Variants in NUBP1 observed in about 807,000 individuals in gnomAD.
NUBP1 encodes NUBP iron-sulfur cluster assembly factor 1, cytosolic.
Under a neutral mutation model 41.8 loss-of-function variants are expected in NUBP1, and 46 were observed. That is an observed-to-expected ratio of 1.10 (90% CI 0.87 to 1.41). NUBP1 has a LOEUF of 1.41. Among genes scored for constraint, NUBP1 ranks in the 40% most tolerant of loss-of-function variants. The pLI is 0.00. For missense variants in NUBP1, 494 were observed against 414.0 expected (o/e 1.19, Z -1.68); for synonymous variants, 189 against 154.6 (o/e 1.22, Z -1.65).
At position 10,756,689 on chromosome 16, in the gene NUBP1, G is replaced by A. The variant is rs761269423; in HGVS notation, c.361-1G>A. The A allele has an allele frequency of 1.3e-6, 2 of 1,562,994 alleles. No homozygotes were observed. The highest frequency in any genetic ancestry group is 5.0e-5 in the East Asian group (2 of 40,208). On this transcript the variant is annotated splice_acceptor_variant, in intron 5 of 10. Transcript: ENST00000283027. LOFTEE classifies it high-confidence loss of function. ...TTGCCCTCACCCTGTTCCCTCTGCA[G>A]TACGTGGAAGACAACCTGGGGGTGA...
At chr16:10,760,897 C>G (rs1285133977) in intron 7 of NUBP1, 1 of 164,750 alleles carries the variant, frequency 6.1e-6, no homozygotes, top group Non-Finnish European at 1.3e-5. Flanking sequence ...CTGTAAAGAA[C>G]TGCCTGAGAC....
intron 9 of NUBP1, among the ~76,000 whole-genome samples, chr16:10,762,488 C>T (rs988413908): frequency 1.3e-4 from 20 of 152,232 alleles, no homozygotes; most frequent in African/African-American, 3.1e-4. Context: ...CGCCGCGGGG[C>T]GCTGGGCAGG....
rs756551556 is a variant in NUBP1 at position 10,744,212 on chromosome 16, G to GGGC, written c.124+150_124+152dup. 102 of 812,668 alleles carry GGGC rather than the reference G, an allele frequency of 1.3e-4. 1 individual carries two copies. The highest frequency in any genetic ancestry group is 1.6e-4 in the Non-Finnish European group (89 of 548,184). The allele number at this position is 812,668 out of a possible 1,614,324, so 50.3% of individuals were successfully genotyped here. ...TTCGGAGAGGGGTGGGGCCCAGAAG[G>GGGC]GGCGGGGCGTGGAAAGTGGGCAGGG... On this transcript the variant is annotated intron_variant, in intron 2 of 10. Coordinates refer to ENST00000283027, the MANE Select transcript of NUBP1 (RefSeq NM_002484.4).
At chr16:10,761,516 T>C in intron 8 of NUBP1, 42 bp downstream of exon 8, 5 of 1,514,862 alleles carry the variant, frequency 3.3e-6, no homozygotes, top group Non-Finnish European at 4.6e-6. Flanking sequence ...GATCTTGCTC[T>C]CATGGATGAG....
At position 10,768,535 on chromosome 16, in the gene NUBP1, A is replaced by C. The variant is rs1372443139; in HGVS notation, c.904+503A>C. On this transcript the variant is annotated intron_variant, in intron 10 of 10. Coordinates refer to ENST00000283027, the MANE Select transcript of NUBP1 (RefSeq NM_002484.4). The surrounding 1 kb of genome is among the most constrained non-coding windows in gnomAD (Gnocchi z 4.3). ...GGCAGGAGAATCGCTTGAACCTGGG[A>C]GGCGGAGGCTGCAGTAAGGCGAGAT... 1 of 157,044 alleles carries C rather than the reference A, an allele frequency of 6.4e-6. No homozygotes were observed. Among genetic ancestry groups the C allele is most frequent in the East Asian group, 1.9e-4 (1 of 5,348 alleles). 9.7% of individuals were successfully genotyped at this position (157,044 alleles called of 1,614,324 possible).
chr16:10,759,816 A>G lies in NUBP1; in HGVS notation c.607-1548A>G, dbSNP rs1020613809. The stretch of plus-strand genomic sequence containing the variant: ...GAAATGAGAGACTGAGTCGCAGCCC[A>G]TTGACTTTCTAGCTGAGCGCCCCTT... On this transcript the variant is annotated intron_variant, in intron 7 of 10. Transcript: ENST00000283027. The surrounding 1 kb of genome is among the most constrained non-coding windows in gnomAD (Gnocchi z 4.7). Among the ~76,000 whole-genome samples, 2 of 152,166 alleles carry G rather than the reference A, an allele frequency of 1.3e-5. No individual in the cohort carries two copies. Among genetic ancestry groups the G allele is most frequent in the African/African-American group, 4.8e-5 (2 of 41,430 alleles).
chr16:10,768,872 G>A lies in NUBP1; in HGVS notation c.905-175G>A, dbSNP rs1455846500. 27 of 586,916 alleles carry A rather than the reference G, an allele frequency of 4.6e-5. No individual in the cohort carries two copies. The Admixed American group carries it at 8.3e-4, about 18-fold the overall frequency. The allele number at this position is 586,916 out of a possible 1,614,324, so 36.4% of individuals were successfully genotyped here. On this transcript the variant is annotated intron_variant, in intron 10 of 10. Transcript: ENST00000283027. The surrounding 1 kb of genome is among the most constrained non-coding windows in gnomAD (Gnocchi z 4.3). The stretch of plus-strand genomic sequence containing the variant: ...CCACTGGTTATGAGCAAGATGGGTA[G>A]TGTGAGGTATTCCGGTCACTTTCAA...
At chr16:10,751,827 A>T (rs1256279957) in intron 3 of NUBP1, among the ~76,000 whole-genome samples, 1 of 152,228 alleles carries the variant, frequency 6.6e-6, no homozygotes, top group African/African-American at 2.4e-5. Flanking sequence ...GTCAGGGTTC[A>T]GCTAGAGGCT....
chr16:10,763,746 G>C (rs150174642), intron 9 of NUBP1: 4 of 155,108 alleles, frequency 2.6e-5, no homozygotes, highest in African/African-American at 9.6e-5. Flanking sequence ...TGGGCAGGAC[G>C]TTTGTCAGGG....
intron 2 of NUBP1, among the ~76,000 whole-genome samples, chr16:10,746,257 A>G (rs943369043): frequency 6.6e-6 from 1 of 152,366 alleles, no homozygotes; most frequent in Non-Finnish European, 1.5e-5. Context: ...AGGATTTGAA[A>G]TAAGATAGTT....
At chr16:10,750,658 C>T (rs1900277289) in intron 3 of NUBP1, among the ~76,000 whole-genome samples, 1 of 152,220 alleles carries the variant, frequency 6.6e-6, no homozygotes, top group African/African-American at 2.4e-5. Context: ...CCTGGGACTG[C>T]AGAGCTGAGA....
chr16:10,745,721 G>A (rs1198200313), intron 2 of NUBP1, among the ~76,000 whole-genome samples: 1 of 151,942 alleles, frequency 6.6e-6, no homozygotes, highest in African/African-American at 2.4e-5. Flanking sequence ...GTTTTAATTC[G>A]TGCCCAGTAT....
At chr16:10,756,903 C>A in intron 6 of NUBP1, 123 bp downstream of exon 6, 1 of 677,870 alleles carries the variant, frequency 1.5e-6, no homozygotes, top group Non-Finnish European at 2.4e-6. Flanking sequence ...TATTTTTAAC[C>A]ATCCAGTGCC....
In NUBP1 at chr16:10,756,677, G is replaced by A. The variant is rs375361776; in HGVS notation, c.361-13G>A. 1.4e-5 allele frequency: 21 copies of A among 1,543,026 alleles called. No individual in the cohort carries two copies. In the South Asian group the frequency reaches 2.3e-4, roughly 17 times the overall value. ...GTAAAGCGTGTCTTGCCCTCACCCT[G>A]TTCCCTCTGCAGTACGTGGAAGACA... On this transcript the variant is annotated splice_polypyrimidine_tract_variant and intron_variant, in intron 5 of 10. Coordinates refer to ENST00000283027, the MANE Select transcript of NUBP1 (RefSeq NM_002484.4).
chr16:10,744,302 G>A (rs1184961307), intron 2 of NUBP1, among the ~76,000 whole-genome samples: 2 of 152,228 alleles, frequency 1.3e-5, no homozygotes, highest in African/African-American at 4.8e-5. Flanking sequence ...GAAGGACCTG[G>A]CGCGGATGGA....
intron 9 of NUBP1, 59 bp downstream of exon 9, chr16:10,761,918 T>G: frequency 2.9e-6 from 4 of 1,381,880 alleles, no homozygotes; most frequent in Non-Finnish European, 4.1e-6. Flanking sequence ...CAGGCACGGG[T>G]CGGGCACAAC....
At chr16:10,751,235 CAG>C (rs1900299518) in intron 3 of NUBP1, among the ~76,000 whole-genome samples, 1 of 152,156 alleles carries the variant, frequency 6.6e-6, no homozygotes, top group Non-Finnish European at 1.5e-5. Flanking sequence ...GGCATGGAGA[CAG>C]AGTCACTAGA....
intron 7 of NUBP1, among the ~76,000 whole-genome samples, chr16:10,758,544 T>G (rs74007535): frequency 0.029 from 4,392 of 151,642 alleles, 224 homozygotes; most frequent in African/African-American, 0.1. Context: ...AACGATTTGG[T>G]TTTTTTTTAG....
chr16:10,768,125 G>C lies in NUBP1; in HGVS notation c.904+93G>C. 8.3e-7 allele frequency: 1 copy of C among 1,204,300 alleles called. No homozygotes were observed. The highest frequency in any genetic ancestry group is 1.2e-6 in the Non-Finnish European group (1 of 823,478). 74.6% of individuals were successfully genotyped at this position (1,204,300 alleles called of 1,614,324 possible). A position where few individuals can be genotyped will look rare whatever the true frequency, so the allele number is the denominator to read the frequency against. ...GTGTGGAAGGACAGGTGGGTGGTGG[G>C]GTCTGTGATGACCACAGAGTGGCCC... is the stretch of plus-strand genomic sequence containing the variant. On this transcript the variant is annotated intron_variant, in intron 10 of 10. Coordinates refer to ENST00000283027, the MANE Select transcript of NUBP1 (RefSeq NM_002484.4). This position sits in a 1 kb window ranked among gnomAD's most constrained non-coding sequence, Gnocchi z 4.3.
Sources: allele counts gnomAD v4.1 joint callset (sites outside exome capture counted in the v4.1 genomes callset), GRCh38; gene constraint gnomAD v4.1.1; non-coding constraint Gnocchi (gnomAD v3.1); transcripts MANE v1.5; gene names NCBI Gene and HGNC (gene_info 2026-07-23, HGNC 2026-07-21).